Variants in EEFSEC observed in about 807,000 individuals in gnomAD.
EEFSEC encodes selenocysteine-specific elongation factor.
Under a neutral mutation model 42.1 loss-of-function variants are expected in EEFSEC, and 43 were observed. The ratio of observed to expected loss-of-function variants is 1.02; its 90% CI spans 0.80 to 1.32. The LOEUF (loss-of-function observed/expected upper bound fraction) is 1.32, where lower values mean the gene tolerates loss of function less well. Ranked by LOEUF, EEFSEC falls within the 40% of genes most tolerant of loss-of-function variation. The pLI is 0.00. For synonymous variants in EEFSEC, 354 were observed against 339.1 expected (o/e 1.04, Z -0.48); for missense variants, 745 against 803.6 (o/e 0.93, Z 0.88).
chr3:128,193,322 G>A lies in EEFSEC; in HGVS notation c.316+39499G>A, dbSNP rs2107806393. ...ACCAGCCTCCAAGGGAGGCAGAGGA[G>A]GCAAGGGCTCACCATTGTTTTCCAG... On this transcript the variant is annotated intron_variant, in intron 1 of 6. Transcript: ENST00000254730. 1.3e-5 allele frequency among the ~76,000 whole-genome samples: 2 copies of A among 152,330 alleles called. 1 individual carries two copies. The highest frequency in any genetic ancestry group is 4.1e-4 in the South Asian group (2 of 4,830).
At chr3:128,293,128 G>A (rs1347317648) in intron 4 of EEFSEC, among the ~76,000 whole-genome samples, 2 of 152,078 alleles carry the variant, frequency 1.3e-5, no homozygotes, top group Non-Finnish European at 2.9e-5. Flanking sequence ...ATTCCACTGT[G>A]GTCAGAGAAT....
intron 2 of EEFSEC, among the ~76,000 whole-genome samples, chr3:128,255,865 G>A (rs2066236889): frequency 6.6e-6 from 1 of 152,120 alleles, no homozygotes; most frequent in Non-Finnish European, 1.5e-5. Context: ...CGGGGCTGGG[G>A]TATCAGCATG....
chr3:128,300,075 G>C (rs1022376132), intron 4 of EEFSEC, among the ~76,000 whole-genome samples: 1 of 152,198 alleles, frequency 6.6e-6, no homozygotes. Context: ...CGGCAGAGCA[G>C]ACCCCCAGCT....
intron 4 of EEFSEC, among the ~76,000 whole-genome samples, chr3:128,272,063 C>A (rs1576596542): frequency 1.3e-5 from 2 of 152,210 alleles, no homozygotes; most frequent in East Asian, 3.9e-4. Flanking sequence ...AGGCTCAGGG[C>A]TGGAGACGTC....
At chr3:128,230,952 A>G (rs79609645) in intron 1 of EEFSEC, among the ~76,000 whole-genome samples, 1 of 152,148 alleles carries the variant, frequency 6.6e-6, no homozygotes, top group Admixed American at 6.5e-5. Context: ...GGTGACCTTC[A>G]GGTAGGTGGC....
At chr3:128,300,066 G>A (rs115921745) in intron 4 of EEFSEC, among the ~76,000 whole-genome samples, 2,266 of 152,186 alleles carry the variant, frequency 0.015, 58 homozygotes, top group African/African-American at 0.05. Context: ...TCAGCTCCCC[G>A]GCAGAGCAGA....
intron 6 of EEFSEC, among the ~76,000 whole-genome samples, chr3:128,367,368 C>T (rs1460656760): frequency 6.6e-6 from 1 of 152,180 alleles, no homozygotes; most frequent in Admixed American, 6.5e-5. Flanking sequence ...ACAGTAGGAC[C>T]CCAACCGAGT....
At chr3:128,367,289 C>T (rs766020485) in intron 6 of EEFSEC, among the ~76,000 whole-genome samples, 2 of 152,226 alleles carry the variant, frequency 1.3e-5, no homozygotes, top group African/African-American at 2.4e-5. Context: ...CAGACTTTCT[C>T]CTGAGCATTT....
chr3:128,230,452 G>T (rs2065949057), intron 1 of EEFSEC, among the ~76,000 whole-genome samples: 2 of 152,172 alleles, frequency 1.3e-5, no homozygotes, highest in African/African-American at 4.8e-5. Flanking sequence ...ACTGTACTTG[G>T]CCACTGGAGG....
intron 1 of EEFSEC, among the ~76,000 whole-genome samples, chr3:128,194,247 A>G (rs1483000932): frequency 3.9e-5 from 6 of 152,124 alleles, no homozygotes; most frequent in Non-Finnish European, 7.4e-5. Context: ...ACTTCCGGAG[A>G]GCTTGGACAC....
intron 4 of EEFSEC, among the ~76,000 whole-genome samples, chr3:128,315,060 A>G (rs1329660435): frequency 6.6e-6 from 1 of 152,138 alleles, no homozygotes; most frequent in Non-Finnish European, 1.5e-5. Flanking sequence ...ACTTACATCA[A>G]AGAGGCAATA....
Position 128,297,346 on chromosome 3 carries a change from C to T in EEFSEC, c.786+32565C>T, listed in dbSNP as rs548642398. On this transcript the variant is annotated intron_variant, in intron 4 of 6. Transcript: ENST00000254730. ...ATAACTTTCGGAGAACTGGCTCTAC[C>T]AGTGCCCCTTTCTTTATTTGTGGAT... Among the ~76,000 whole-genome samples the T allele has an allele frequency of 2.0e-5, 3 of 152,170 alleles. No individual in the cohort carries two copies. In the South Asian group the frequency reaches 6.2e-4, roughly 32 times the overall value.
chr3:128,174,221 C>T (rs1378245940), intron 1 of EEFSEC, among the ~76,000 whole-genome samples: 2 of 152,184 alleles, frequency 1.3e-5, no homozygotes, highest in African/African-American at 2.4e-5. Flanking sequence ...TTAAGGCCTG[C>T]GCTGCAGCCT....
chr3:128,307,038 C>T (rs934970155), intron 4 of EEFSEC, among the ~76,000 whole-genome samples: 6 of 152,248 alleles, frequency 3.9e-5, no homozygotes, highest in Admixed American at 6.5e-5. Flanking sequence ...AACCAGACTG[C>T]AGGGGGCTCA....
intron 1 of EEFSEC, among the ~76,000 whole-genome samples, chr3:128,179,621 G>C (rs986312933): frequency 1.1e-4 from 17 of 152,244 alleles, no homozygotes; most frequent in African/African-American, 3.9e-4. Flanking sequence ...ACTTTAGTCA[G>C]CTCTCCAACT....
Position 128,358,654 on chromosome 3 carries a change from G to C in EEFSEC, c.1600+281G>C, listed in dbSNP as rs6785459. Among the ~76,000 whole-genome samples, 341 of 152,284 alleles carry C rather than the reference G, an allele frequency of 2.2e-3. 1 individual carries two copies. Among genetic ancestry groups the C allele is most frequent in the African/African-American group, 7.6e-3 (315 of 41,552 alleles). On this transcript the variant is annotated intron_variant, in intron 6 of 6. Coordinates refer to ENST00000254730, the MANE Select transcript of EEFSEC (RefSeq NM_021937.5). ...TACCATCTGAGGGGGCCTTGGGCCC[G>C]CACCTTGGTTTCTCTGTGGAGGCGG...
At chr3:128,410,269 C>G (rs749578854), downstream of EEFSEC, among the ~76,000 whole-genome samples, 3 of 152,218 alleles carry the variant, frequency 2.0e-5, no homozygotes, top group Non-Finnish European at 4.4e-5. Flanking sequence ...CCTCCCTGAC[C>G]GCTCCCTCCC....
At chr3:128,198,052 T>C (rs968346169) in intron 1 of EEFSEC, among the ~76,000 whole-genome samples, 4 of 152,140 alleles carry the variant, frequency 2.6e-5, no homozygotes, top group Non-Finnish European at 5.9e-5. Context: ...AGCTCAGGGA[T>C]ACGTGGGTCC....
chr3:128,235,711 T>C (rs1000447770), intron 1 of EEFSEC, among the ~76,000 whole-genome samples: 1 of 152,250 alleles, frequency 6.6e-6, no homozygotes, highest in African/African-American at 2.4e-5. Context: ...TTTATGTACA[T>C]GTCATGGTTT....
Sources: gnomAD v4.1 joint callset for allele counts (sites outside exome capture counted in the v4.1 genomes callset) on GRCh38, gnomAD v4.1.1 for gene constraint, MANE v1.5 for transcripts, NCBI Gene and HGNC (gene_info 2026-07-23, HGNC 2026-07-21) for gene names.